Variants in FANK1 observed in about 807,000 individuals in gnomAD.
FANK1 encodes fibronectin type III and ankyrin repeat domains 1.
Under a neutral mutation model 45.3 loss-of-function variants are expected in FANK1, and 44 were observed. The ratio of observed to expected loss-of-function variants is 0.97; its 90% confidence interval spans 0.76 to 1.25. FANK1 has a LOEUF of 1.25. FANK1 is among the 50% of genes most tolerant of loss of function. The pLI is 0.00. For missense variants in FANK1, 391 were observed against 424.4 expected (o/e 0.92, Z 0.69); for synonymous variants, 149 against 152.5 (o/e 0.98, Z 0.17).
At chr10:125,943,327 T>C (rs191985064) in intron 1 of FANK1, among the ~76,000 whole-genome samples, 1 of 152,334 alleles carries the variant, frequency 6.6e-6, no homozygotes, top group African/African-American at 2.4e-5. Flanking sequence ...TTTGGTAACT[T>C]TTAAAATATT....
In FANK1 at chr10:126,009,255, T is replaced by G. The variant is rs776499925; in HGVS notation, c.961T>G (p.Phe321Val). The G allele has an allele frequency of 1.9e-6, 3 of 1,614,100 alleles. No individual in the cohort carries two copies. Among genetic ancestry groups the G allele is most frequent in the Non-Finnish European group, 2.5e-6 (3 of 1,180,050 alleles). Residue 321 changes from phenylalanine to valine, a missense_variant, in exon 10 of 11, where the codon TTT (phenylalanine) becomes GTT (valine). Physicochemically the swap from Phe to Val is conservative, Grantham distance 50 (BLOSUM62 -1). Transcript: ENST00000368693. ...GKGVLEMARV[F>V]DRQSVVSLLE... ...AGGTGTCCTAGAAATGGCCAGAGTTTTTGACAGACAGGTTGGGATGCTCTT... is the reference window on the plus strand; with the variant it reads ...AGGTGTCCTAGAAATGGCCAGAGTTGTTGACAGACAGGTTGGGATGCTCTT...
chr10:125,944,486 C>G (rs556437875), intron 1 of FANK1, among the ~76,000 whole-genome samples: 1 of 152,156 alleles, frequency 6.6e-6, no homozygotes, highest in Admixed American at 6.5e-5. Context: ...CAATTCAATA[C>G]CTTCCTGTTG....
chr10:125,920,596 G>T (rs1946875276), intron 1 of FANK1, among the ~76,000 whole-genome samples: 1 of 152,190 alleles, frequency 6.6e-6, no homozygotes, highest in African/African-American at 2.4e-5. Flanking sequence ...GATATAAATT[G>T]TTAAAAATAA....
chr10:125,956,207 G>GC (rs1057038055), intron 1 of FANK1, among the ~76,000 whole-genome samples: 11 of 144,574 alleles, frequency 7.6e-5, no homozygotes, highest in African/African-American at 2.8e-4. Flanking sequence ...TTTTTTGGGG[G>GC]GGGGGCGGTG....
chr10:125,900,354 CT>C (rs59752773), intron 1 of FANK1, among the ~76,000 whole-genome samples: 163 of 139,096 alleles, frequency 1.2e-3, no homozygotes, highest in Middle Eastern at 3.7e-3. Flanking sequence ...GGTTTTTGTC[CT>C]TTTTTTTTTT....
At chr10:125,976,119 ATT>A (rs34301072) in intron 1 of FANK1, among the ~76,000 whole-genome samples, 2 of 145,690 alleles carry the variant, frequency 1.4e-5, no homozygotes, top group Admixed American at 1.4e-4. Flanking sequence ...TTGGTTGAAG[ATT>A]TTTTTTTTTT....
chr10:125,980,205 G>T lies in FANK1; in HGVS notation c.58G>T (p.Val20Leu). 1.2e-6 allele frequency: 2 copies of T among 1,614,100 alleles called. No homozygotes were observed. The highest frequency in any genetic ancestry group is 1.7e-6 in the Non-Finnish European group (2 of 1,180,018). Residue 20 changes from valine to leucine, a missense_variant, in exon 2 of 11, where the codon GTG (valine) becomes TTG (leucine). Transcript: ENST00000368693. Reference sequence around the variant, plus strand: ...GCCTCATCCACCTGTCGTGGGCAAAGTGACTCATCACAGCATTGAATTATA... The same window carrying T: ...GCCTCATCCACCTGTCGTGGGCAAATTGACTCATCACAGCATTGAATTATA... ...SKPHPPVVGK[V>L]THHSIELYWD...
chr10:125,975,997 A>C (rs1950830897), intron 1 of FANK1, among the ~76,000 whole-genome samples: 1 of 147,740 alleles, frequency 6.8e-6, no homozygotes, highest in Admixed American at 6.6e-5. Flanking sequence ...TGTTCCTTCC[A>C]AGATCTCTTA....
rs562652605 is a variant in FANK1 at position 125,998,543 on chromosome 10, A to AT, written c.539+1060dup. Among the ~76,000 whole-genome samples the AT allele has an allele frequency of 1.6e-3, 239 of 152,326 alleles. 2 individuals carry two copies. The highest frequency in any genetic ancestry group is 5.6e-3 in the South Asian group (27 of 4,826). ...ATGAAAGAATTAAAAGTAGACATTGATTAAAAAATAGAAAGGTTATTGAGA... is the reference window on the plus strand; with the variant it reads ...ATGAAAGAATTAAAAGTAGACATTGATTTAAAAAATAGAAAGGTTATTGAGA... On this transcript the variant is annotated intron_variant, in intron 6 of 10. Transcript: ENST00000368693.
At chr10:125,988,784 A>T (rs527395233) in intron 3 of FANK1, 109 bp downstream of exon 3, 5 of 1,545,594 alleles carry the variant, frequency 3.2e-6, no homozygotes, top group Non-Finnish European at 4.5e-6. Flanking sequence ...AGCAGAAATG[A>T]TACAATTTTT....
In FANK1 at chr10:125,909,866, A is replaced by G. The variant is rs929219186; in HGVS notation, c.13+13211A>G. ...AGTACTTTGTTTTGTTTTCAAATACATGTGTTTACGATTATAGATTTCCCC... is the reference window on the plus strand; with the variant it reads ...AGTACTTTGTTTTGTTTTCAAATACGTGTGTTTACGATTATAGATTTCCCC... On this transcript the variant is annotated intron_variant, in intron 1 of 10. Transcript: ENST00000368693. Among the ~76,000 whole-genome samples the G allele has an allele frequency of 6.6e-5, 10 of 151,038 alleles. 1 individual carries two copies. Among genetic ancestry groups the G allele is most frequent in the Admixed American group, 4.6e-4 (7 of 15,232 alleles).
intron 1 of FANK1, among the ~76,000 whole-genome samples, chr10:125,931,076 G>A (rs1029056051): frequency 6.6e-5 from 10 of 152,144 alleles, no homozygotes; most frequent in Admixed American, 3.9e-4. Context: ...GTAATATGCC[G>A]TAGCATAAAT....
intron 1 of FANK1, among the ~76,000 whole-genome samples, chr10:125,940,487 G>A (rs1347234892): frequency 1.3e-5 from 2 of 152,136 alleles, no homozygotes; most frequent in South Asian, 2.1e-4. Flanking sequence ...AGCATATCTC[G>A]CCTCCAGCCA....
Position 125,946,022 on chromosome 10 carries a change from T to C in FANK1, c.14-34139T>C, listed in dbSNP as rs556596317. Among the ~76,000 whole-genome samples the C allele has an allele frequency of 1.3e-4, 20 of 152,132 alleles. 1 individual carries two copies. Among genetic ancestry groups the C allele is most frequent in the South Asian group, 1.2e-3 (6 of 4,810 alleles). On this transcript the variant is annotated intron_variant, in intron 1 of 10. Transcript: ENST00000368693. ...CACTGACACCTCACACGGCAGGGTA[T>C]TCCAACAGACCTGCAGCTGAGGGTC...
chr10:126,003,305 G>A (rs756692459), intron 6 of FANK1, among the ~76,000 whole-genome samples: 2 of 152,080 alleles, frequency 1.3e-5, no homozygotes, highest in Non-Finnish European at 2.9e-5. Flanking sequence ...GCTCCTGCCT[G>A]TAATCCCAGC....
intron 1 of FANK1, among the ~76,000 whole-genome samples, chr10:125,957,008 G>T (rs911966395): frequency 6.6e-6 from 1 of 152,108 alleles, no homozygotes; most frequent in Non-Finnish European, 1.5e-5. Context: ...ACAGGTGTGT[G>T]CCAGCACACC....
chr10:126,008,887 T>A (rs1376436408), intron 8 of FANK1, among the ~76,000 whole-genome samples, 167 bp from the exon 9 acceptor site: 1 of 152,182 alleles, frequency 6.6e-6, no homozygotes, highest in Non-Finnish European at 1.5e-5. Flanking sequence ...GTTGCTACCA[T>A]ACAGCTGCAG....
At chr10:125,939,925 A>G (rs1363402617) in intron 1 of FANK1, among the ~76,000 whole-genome samples, 3 of 150,374 alleles carry the variant, frequency 2.0e-5, no homozygotes, top group Non-Finnish European at 4.4e-5. Flanking sequence ...TGTCATTATT[A>G]TTATTATTAT....
At chr10:125,950,292 T>C (rs1489255970) in intron 1 of FANK1, among the ~76,000 whole-genome samples, 286 of 141,698 alleles carry the variant, frequency 2.0e-3, no homozygotes, top group Middle Eastern at 3.5e-3. Flanking sequence ...AAAGAGCTTC[T>C]GCACAGCAAA....
Sources: gnomAD v4.1 joint callset for allele counts (sites outside exome capture counted in the v4.1 genomes callset) on GRCh38, gnomAD v4.1.1 for gene constraint, MANE v1.5 for transcripts, NCBI Gene and HGNC (gene_info 2026-07-23, HGNC 2026-07-21) for gene names.